EYS: variants seen among roughly 807,000 people sequenced by gnomAD.
EYS encodes the protein EGF-like photoreceptor maintenance factor.
In EYS, 250 loss-of-function variants were observed where a neutral mutation model predicts 282.1. The ratio of observed to expected loss-of-function variants is 0.89; its 90% CI spans 0.80 to 0.98. EYS has a LOEUF of 0.98. Among genes scored for constraint, EYS ranks in the 50% least tolerant of loss-of-function variants. The pLI is 0.00. For missense variants in EYS, 4,016 were observed against 3,709.0 expected (o/e 1.08, Z -2.15); for synonymous variants, 1,355 against 1,282.9 (o/e 1.06, Z -1.20).
chr6:64,705,721 G>A (rs1285117424), intron 22 of EYS, among the ~76,000 whole-genome samples: 4 of 150,678 alleles, frequency 2.7e-5, no homozygotes, highest in Non-Finnish European at 4.4e-5. Context: ...GTAAACTATC[G>A]CAAGAACAAA....
At chr6:63,780,222 C>T (rs975607655) in intron 39 of EYS, among the ~76,000 whole-genome samples, 2 of 152,184 alleles carry the variant, frequency 1.3e-5, no homozygotes, top group African/African-American at 4.8e-5. Context: ...GTGCATGTGT[C>T]TTTATAGCAG....
Position 65,238,252 on chromosome 6 carries a change from A to AATATAATAT in EYS, c.2023+57602_2023+57610dup, listed in dbSNP as rs1430681868. Among the ~76,000 whole-genome samples, 4 of 149,804 alleles carry AATATAATAT rather than the reference A, an allele frequency of 2.7e-5. No homozygotes were observed. The Admixed American group carries it at 2.7e-4, about 10-fold the overall frequency. On this transcript the variant is annotated intron_variant, in intron 12 of 42. Coordinates refer to ENST00000503581, the MANE Select transcript of EYS (RefSeq NM_001142800.2). ...AAACAAGGTATATAATCCTTTTAAA[A>AATATAATAT]ATATAATATATATATAATATATGTA...
At chr6:64,886,597 C>G in intron 19 of EYS, 100 bp downstream of exon 19, 2 of 944,536 alleles carry the variant, frequency 2.1e-6, no homozygotes, top group Non-Finnish European at 2.9e-6. Flanking sequence ...GCCCTGTTTG[C>G]ATCTGGCAGA....
At chr6:65,232,148 T>A (rs1007796444) in intron 12 of EYS, among the ~76,000 whole-genome samples, 4 of 152,046 alleles carry the variant, frequency 2.6e-5, no homozygotes, top group African/African-American at 7.2e-5. Context: ...AAGAGACATA[T>A]TCCTAATCAG....
chr6:64,703,958 T>C (rs369670850), intron 22 of EYS, among the ~76,000 whole-genome samples: 3 of 152,272 alleles, frequency 2.0e-5, no homozygotes, highest in East Asian at 3.9e-4. Flanking sequence ...TGCATATTTA[T>C]TTGAAGACCA....
chr6:63,775,298 C>T (rs1770038146), intron 40 of EYS, among the ~76,000 whole-genome samples: 1 of 152,194 alleles, frequency 6.6e-6, no homozygotes, highest in African/African-American at 2.4e-5. Flanking sequence ...TGCCTCCCAT[C>T]TCAGCTAAGA....
At chr6:64,869,496 G>C (rs899640034) in intron 19 of EYS, among the ~76,000 whole-genome samples, 2 of 151,454 alleles carry the variant, frequency 1.3e-5, no homozygotes, top group Non-Finnish European at 3.0e-5. Context: ...ATGACATAGT[G>C]AAGTAATTTG....
At chr6:64,058,124 G>T (rs1305705870) in intron 33 of EYS, among the ~76,000 whole-genome samples, 1 of 152,152 alleles carries the variant, frequency 6.6e-6, no homozygotes, top group Admixed American at 6.5e-5. Context: ...AGTCTCAGGA[G>T]ATCTGATGGT....
In EYS at chr6:64,817,909, C is replaced by A. The variant is rs372430311; in HGVS notation, c.3243+3736G>T. Among the ~76,000 whole-genome samples, 90 of 152,108 alleles carry A rather than the reference C, an allele frequency of 5.9e-4. 1 individual carries two copies. In the East Asian group the frequency reaches 8.9e-3, roughly 15 times the overall value. ...TTTATACACAGTTTTTTAATTCTTT[C>A]CTTTTTATTTAGAGAACTTACATGA... is the stretch of plus-strand genomic sequence containing the variant. On this transcript the variant is annotated intron_variant, in intron 21 of 42. Transcript: ENST00000503581.
At chr6:63,936,213 T>C (rs1423341406) in intron 35 of EYS, among the ~76,000 whole-genome samples, 1 of 152,116 alleles carries the variant, frequency 6.6e-6, no homozygotes, top group Non-Finnish European at 1.5e-5. Flanking sequence ...GGGATGAGAG[T>C]CTATTATGGG....
In EYS at chr6:63,797,528, C is replaced by CATAT. The variant is rs140977946; in HGVS notation, c.7412-8308_7412-8305dup. ...AGATTTTGGATTAACTCTTAAAGAGCATATAGTCTCTTTTTATCTTAGACC... is the reference window on the plus strand; with the variant it reads ...AGATTTTGGATTAACTCTTAAAGAGCATATATATAGTCTCTTTTTATCTTAGACC... On this transcript the variant is annotated intron_variant, in intron 37 of 42. Transcript: ENST00000503581. 1.2e-3 allele frequency: 184 copies of CATAT among 152,242 alleles called. 2 individuals carry two copies. In the East Asian group the frequency reaches 0.028, roughly 24 times the overall value. 9.4% of individuals were successfully genotyped at this position (152,242 alleles called of 1,614,324 possible).
intron 1 of EYS, among the ~76,000 whole-genome samples, chr6:65,656,521 T>C (rs1767835518): frequency 6.6e-6 from 1 of 151,902 alleles, no homozygotes; most frequent in Non-Finnish European, 1.5e-5. Flanking sequence ...AGCCAAAGTT[T>C]AATCTGTAGC....
rs1285145867 is a variant in EYS at position 63,726,523 on chromosome 6, T to C, written c.8229A>G (p.Gln2743=). The C allele has an allele frequency of 3.9e-6, 6 of 1,548,814 alleles. No individual in the cohort carries two copies. The Admixed American group carries it at 1.2e-4, about 31-fold the overall frequency. ...LFYAAQHLKA[Q]SGDFLCISLV... ...CAAACAGCCTGCCAATCTTACCTGA[T>C]TGGGCTTTTAAGTGTTGTGCAGCAT... Residue 2743 remains glutamine, a synonymous_variant, in exon 42 of 43, where the codon CAA becomes CAG. Coordinates refer to ENST00000503581, the MANE Select transcript of EYS (RefSeq NM_001142800.2).
At chr6:65,362,236 T>C (rs1764738476) in intron 8 of EYS, among the ~76,000 whole-genome samples, 1 of 152,084 alleles carries the variant, frequency 6.6e-6, no homozygotes, top group South Asian at 2.1e-4. Flanking sequence ...TCTGGGGAGT[T>C]ATTAACCACA....
At chr6:65,554,594 A>G (rs1768724345) in intron 2 of EYS, among the ~76,000 whole-genome samples, 1 of 152,144 alleles carries the variant, frequency 6.6e-6, no homozygotes, top group Non-Finnish European at 1.5e-5. Flanking sequence ...AGTAATTACT[A>G]TACACCACTT....
At chr6:64,608,797 C>G (rs543154123) in intron 24 of EYS, among the ~76,000 whole-genome samples, 2 of 152,148 alleles carry the variant, frequency 1.3e-5, no homozygotes, top group East Asian at 3.9e-4. Flanking sequence ...TGAAAGAAGC[C>G]AATCTAAAAG....
rs143913793 is a variant in EYS, at chr6:64,944,686, G to A, written c.2381+1107C>T. 7.2e-5 allele frequency among the ~76,000 whole-genome samples: 11 copies of A among 152,150 alleles called. No homozygotes were observed. The East Asian group carries it at 2.1e-3, about 30-fold the overall frequency. On this transcript the variant is annotated intron_variant, in intron 15 of 42. Coordinates refer to ENST00000503581, the MANE Select transcript of EYS (RefSeq NM_001142800.2). ...GATTAGTAAAAGAGGAAAGCATCTT[G>A]CAGCTGAGATAGAGGAAGGCCACTG... is the stretch of plus-strand genomic sequence containing the variant.
intron 22 of EYS, among the ~76,000 whole-genome samples, chr6:64,693,628 A>G (rs1430732689): frequency 6.6e-6 from 1 of 152,180 alleles, no homozygotes; most frequent in Admixed American, 6.5e-5. Flanking sequence ...CATCATAGGT[A>G]AAATTGAATT....
chr6:64,546,928 T>C (rs1222341783), intron 26 of EYS, among the ~76,000 whole-genome samples: 1 of 152,156 alleles, frequency 6.6e-6, no homozygotes, highest in Non-Finnish European at 1.5e-5. Context: ...GTTGGTGCTG[T>C]GTCCAGAATT....
Sources: gnomAD v4.1 joint callset for allele counts (sites outside exome capture counted in the v4.1 genomes callset) on GRCh38, gnomAD v4.1.1 for gene constraint, MANE v1.5 for transcripts, NCBI Gene and HGNC (gene_info 2026-07-23, HGNC 2026-07-21) for gene names.